Variants in GSE1 observed in about 807,000 individuals in gnomAD.
GSE1 encodes genetic suppressor element 1.
Under a neutral mutation model 112.6 loss-of-function variants are expected in GSE1, and 32 were observed. The observed-to-expected ratio is 0.28, with a 90% CI of 0.21 to 0.38. The LOEUF (loss-of-function observed/expected upper bound fraction) is 0.38, where lower values mean the gene tolerates loss of function less well. Ranked by LOEUF, GSE1 falls within the 10% of genes least tolerant of loss-of-function variation. The probability of loss-of-function intolerance (pLI) is 1.00; values close to 1 mark genes in which losing one functional copy is unlikely to be tolerated. For synonymous variants in GSE1, 1,115 were observed against 735.6 expected, an observed-to-expected ratio of 1.52 and a Z score of -8.35; for missense variants, 2,348 against 1,699.2, an observed-to-expected ratio of 1.38 and a Z score of -6.71.
intron 1 of GSE1, among the ~76,000 whole-genome samples, chr16:85,318,994 A>G (rs2046042229): frequency 6.6e-6 from 1 of 152,224 alleles, no homozygotes; most frequent in Non-Finnish European, 1.5e-5. Context: ...AGAATGGCGC[A>G]TCACCTGGTG....
chr16:85,339,430 G>T (rs550025712), intron 1 of GSE1, among the ~76,000 whole-genome samples: 7 of 152,166 alleles, frequency 4.6e-5, no homozygotes, highest in South Asian at 2.1e-4. Flanking sequence ...TGCTTGCTGC[G>T]CCCTTTCTAG....
At chr16:85,441,404 C>A (rs1244337305) in intron 2 of GSE1, among the ~76,000 whole-genome samples, 1 of 152,228 alleles carries the variant, frequency 6.6e-6, no homozygotes, top group Non-Finnish European at 1.5e-5. Context: ...CCTGCGGTCC[C>A]AGCACTTTGG....
intron 1 of GSE1, among the ~76,000 whole-genome samples, chr16:85,605,375 C>G (rs2047657590): frequency 6.6e-6 from 1 of 152,070 alleles, no homozygotes; most frequent in Admixed American, 6.5e-5. Flanking sequence ...GACCTCCCTG[C>G]CCATCTGGTC....
Position 85,661,619 on chromosome 16 carries a change from C to T in GSE1, c.2114C>T (p.Pro705Leu), listed in dbSNP as rs778781997. 1 of 1,611,262 alleles carries T rather than the reference C, an allele frequency of 6.2e-7. No homozygotes were observed. The change falls in exon 9 of 16, where the codon CCC becomes CTC. Residue 705 changes from proline to leucine, a missense_variant. Coordinates refer to ENST00000253458, the MANE Select transcript of GSE1 (RefSeq NM_014615.5). ...GCCACCTTCGGGGAGCTCAGCGGAC[C>T]CCTGAAGCCTGGCTCGCCCTACCGG... ...QAATFGELSG[P>L]LKPGSPYRPP... is the part of the protein sequence containing the mutation.
intron 1 of GSE1, among the ~76,000 whole-genome samples, chr16:85,239,859 C>G: frequency 6.6e-6 from 1 of 152,222 alleles, no homozygotes; most frequent in Non-Finnish European, 1.5e-5. Flanking sequence ...AATCTCAGAT[C>G]CCAAACCAAC....
At chr16:85,329,427 G>A (rs1597402559) in intron 1 of GSE1, among the ~76,000 whole-genome samples, 1 of 152,198 alleles carries the variant, frequency 6.6e-6, no homozygotes, top group Admixed American at 6.5e-5. Flanking sequence ...CCCAGCCCCA[G>A]GGGCTGCGGG....
At position 85,367,074 on chromosome 16, in the gene GSE1, C is replaced by T. The variant is rs939352075; in HGVS notation, c.2464+9431C>T. On this transcript the variant is annotated intron_variant, in intron 2 of 2. Transcript: ENST00000637419. ...CCACCACCCTGCCGTGGCCTCTGCTCACCCACTGTTCTTCATTCCCCTGAC... is the reference window on the plus strand; with the variant it reads ...CCACCACCCTGCCGTGGCCTCTGCTTACCCACTGTTCTTCATTCCCCTGAC... Among the ~76,000 whole-genome samples the T allele has an allele frequency of 6.6e-5, 10 of 152,240 alleles. No homozygotes were observed. The South Asian group carries it at 1.2e-3, about 19-fold the overall frequency.
rs757310047 is a variant in GSE1 at position 85,502,212 on chromosome 16, C to T, written c.2465-131702C>T. Among the ~76,000 whole-genome samples, 41 of 152,162 alleles carry T rather than the reference C, an allele frequency of 2.7e-4. 1 individual carries two copies. The highest frequency in any genetic ancestry group is 4.9e-4 in the Non-Finnish European group (33 of 68,024). On this transcript the variant is annotated intron_variant, in intron 2 of 2. Transcript: ENST00000637419. The stretch of plus-strand genomic sequence containing the variant: ...CAGGGGGACCATATGGGCTGCGTCC[C>T]GAGAGAGCCTTGGTGACACCTCGTG...
At chr16:85,305,423 T>C (rs1285702982) in intron 1 of GSE1, among the ~76,000 whole-genome samples, 1 of 152,130 alleles carries the variant, frequency 6.6e-6, no homozygotes, top group Non-Finnish European at 1.5e-5. Flanking sequence ...GTGCTTGGAT[T>C]GCAGGCATGA....
intron 2 of GSE1, among the ~76,000 whole-genome samples, chr16:85,442,213 C>T (rs2049392154): frequency 6.6e-6 from 1 of 152,148 alleles, no homozygotes; most frequent in Middle Eastern, 3.2e-3. Context: ...CTTTGCTGCC[C>T]CCCTCCTCCT....
Position 85,464,181 on chromosome 16 carries a change from A to G in GSE1, c.2464+106538A>G, listed in dbSNP as rs181789886. 5.9e-5 allele frequency among the ~76,000 whole-genome samples: 9 copies of G among 151,910 alleles called. No individual in the cohort carries two copies. In the East Asian group the frequency reaches 1.7e-3, roughly 29 times the overall value. ...TCTGCCTGTTTGAACTGCAGCTTTT[A>G]AAGCTTTTTGCCTTTTGAAAACTCA... On this transcript the variant is annotated intron_variant, in intron 2 of 2. Coordinates refer to the GSE1 transcript ENST00000637419.
At chr16:85,655,587 A>G in intron 5 of GSE1, 139 bp from the exon 6 acceptor site, 1 of 599,538 alleles carries the variant, frequency 1.7e-6, no homozygotes, top group Non-Finnish European at 2.9e-6. Context: ...AGCAGCAGGC[A>G]TGGTCTTCAT....
At chr16:85,635,826 C>G (rs367818197) in intron 2 of GSE1, among the ~76,000 whole-genome samples, 1 of 152,214 alleles carries the variant, frequency 6.6e-6, no homozygotes, top group Admixed American at 6.5e-5. Context: ...CTGCAGAGGA[C>G]GTGGTCAGGA....
intron 1 of GSE1, among the ~76,000 whole-genome samples, chr16:85,257,896 G>A (rs975990042): frequency 6.6e-6 from 1 of 152,236 alleles, no homozygotes; most frequent in African/African-American, 2.4e-5. Flanking sequence ...ATTCCTCCAT[G>A]TCTGTTTATA....
chr16:85,423,151 C>T (rs896365599), intron 2 of GSE1, among the ~76,000 whole-genome samples: 5 of 152,334 alleles, frequency 3.3e-5, no homozygotes, highest in South Asian at 2.1e-4. Context: ...CCCTGATGAG[C>T]GAAACCTTCT....
chr16:85,665,043 T>C lies in GSE1; in HGVS notation c.2673T>C (p.Arg891=). The C allele has an allele frequency of 6.2e-7, 1 of 1,611,340 alleles. No individual in the cohort carries two copies. Among genetic ancestry groups the C allele is most frequent in the Non-Finnish European group, 8.5e-7 (1 of 1,177,682 alleles). The change falls in exon 12 of 16, where the codon CGT becomes CGC. Residue 891 remains arginine, a synonymous_variant. Transcript: ENST00000253458. ...AAGAGAGACTTGTTGAAATGCTCCG[T>C]GCCATGAAGCAGAAGGCACTGTCAG... The part of the protein sequence containing the change: ...KDKERLVEML[R]AMKQKALSAA...
intron 1 of GSE1, among the ~76,000 whole-genome samples, chr16:85,231,015 GGAT>G (rs1904279278): frequency 6.6e-6 from 1 of 151,672 alleles, no homozygotes; most frequent in African/African-American, 2.4e-5. Flanking sequence ...ATGGACAGAT[GGAT>G]GATGGATGGA....
chr16:85,358,042 G>A (rs2046988156), intron 2 of GSE1, among the ~76,000 whole-genome samples: 1 of 152,150 alleles, frequency 6.6e-6, no homozygotes, highest in Non-Finnish European at 1.5e-5. Flanking sequence ...GCACGTGTGC[G>A]CTTCTCTTGG....
intron 1 of GSE1, among the ~76,000 whole-genome samples, chr16:85,326,604 T>C (rs2046232564): frequency 6.6e-6 from 1 of 152,242 alleles, no homozygotes; most frequent in African/African-American, 2.4e-5. Context: ...TGCTTCCCCT[T>C]CTGCCATGAT....
Sources: gnomAD v4.1 joint callset for allele counts (sites outside exome capture counted in the v4.1 genomes callset) on GRCh38, gnomAD v4.1.1 for gene constraint, MANE v1.5 for transcripts, NCBI Gene and HGNC (gene_info 2026-07-23, HGNC 2026-07-21) for gene names.